UNC13C: variants seen among roughly 807,000 people sequenced by gnomAD.
UNC13C encodes the protein unc-13 homolog C, also known as protein unc-13 homolog C.
In UNC13C, 174 loss-of-function variants were observed where a neutral mutation model predicts 245.4. That is an observed-to-expected ratio of 0.71 (90% CI 0.63 to 0.80). The LOEUF is 0.80. UNC13C is among the 30% of genes least tolerant of loss of function. The pLI is 0.00. For missense variants in UNC13C, 2,829 were observed against 2,602.9 expected (o/e 1.09, Z -1.89); for synonymous variants, 992 against 895.1 (o/e 1.11, Z -1.93).
At chr15:54,154,377 C>A (rs1309103377) in intron 4 of UNC13C, among the ~76,000 whole-genome samples, 1 of 151,992 alleles carries the variant, frequency 6.6e-6, no homozygotes, top group Admixed American at 6.6e-5. Flanking sequence ...AAAATACATA[C>A]TTATACAATT....
the UNC13C span, among the ~76,000 whole-genome samples, chr15:53,888,523 T>G: frequency 3.0e-4 from 46 of 152,360 alleles, 3 homozygotes; most frequent in South Asian, 9.5e-3. Context: ...GATGATAGTT[T>G]CTTTTGCTGT....
intron 2 of UNC13C, among the ~76,000 whole-genome samples, chr15:54,136,637 A>G (rs933885061): frequency 2.0e-5 from 3 of 152,074 alleles, no homozygotes; most frequent in Non-Finnish European, 4.4e-5. Context: ...TCTTAGGGGA[A>G]AATCTTTCAG....
At chr15:54,073,195 T>C (rs1046926711) in intron 2 of UNC13C, among the ~76,000 whole-genome samples, 1 of 152,208 alleles carries the variant, frequency 6.6e-6, no homozygotes, top group African/African-American at 2.4e-5. Flanking sequence ...TCCATGTCCC[T>C]GTAAAGGACA....
intron 2 of UNC13C, among the ~76,000 whole-genome samples, chr15:54,042,480 T>C (rs1367505987): frequency 2.6e-5 from 4 of 152,206 alleles, no homozygotes; most frequent in Admixed American, 1.3e-4. Context: ...AAGAATCTTA[T>C]ATTCCAGTGG....
chr15:54,393,018 C>T (rs766882590), intron 17 of UNC13C, 30 bp from the exon 18 acceptor site: 1 of 1,535,682 alleles, frequency 6.5e-7, no homozygotes, highest in Admixed American at 2.2e-5. Context: ...TTAACCTTTT[C>T]TTTTGCATGT....
At chr15:53,935,365 T>C in the UNC13C span, among the ~76,000 whole-genome samples, 5 of 152,200 alleles carry the variant, frequency 3.3e-5, no homozygotes, top group East Asian at 5.8e-4. Context: ...TTCAGAGATA[T>C]GGGGTTTTGT....
chr15:54,421,475 A>G (rs2040642370), intron 19 of UNC13C, among the ~76,000 whole-genome samples: 1 of 152,050 alleles, frequency 6.6e-6, no homozygotes. Flanking sequence ...TTATCCCTGG[A>G]CCAGCAGCAT....
chr15:54,580,909 A>G (rs550884181), intron 30 of UNC13C, among the ~76,000 whole-genome samples: 44 of 152,050 alleles, frequency 2.9e-4, no homozygotes, highest in Non-Finnish European at 6.3e-4. Flanking sequence ...GTTTCTAGGA[A>G]CCCCTTCTCC....
At chr15:54,454,797 TATTTATTCATTC>T (rs1567288242) in intron 19 of UNC13C, among the ~76,000 whole-genome samples, 2 of 106,448 alleles carry the variant, frequency 1.9e-5, no homozygotes, top group East Asian at 2.2e-4. Flanking sequence ...TTTTAAATTT[TATTTATTCATTC>T]ATTCATTCAT....
At chr15:54,416,153 G>A (rs568735463) in intron 19 of UNC13C, among the ~76,000 whole-genome samples, 2 of 152,264 alleles carry the variant, frequency 1.3e-5, no homozygotes, top group Non-Finnish European at 2.9e-5. Flanking sequence ...TCTGTGCTGA[G>A]AGAAACAAAG....
At chr15:54,237,925 CAT>C (rs1284841599) in intron 7 of UNC13C, among the ~76,000 whole-genome samples, 1 of 152,144 alleles carries the variant, frequency 6.6e-6, no homozygotes. Context: ...TCAATTCTAA[CAT>C]AGCTTCCCTG....
chr15:54,594,615 C>T (rs1013181774), intron 30 of UNC13C, among the ~76,000 whole-genome samples: 2 of 152,094 alleles, frequency 1.3e-5, no homozygotes, highest in Non-Finnish European at 1.5e-5. Context: ...GGGGGAAAGT[C>T]GACCGTCACA....
Position 54,626,995 on chromosome 15 carries a change from C to G in UNC13C, c.6527C>G (p.Ser2176Cys). The change falls in exon 33 of 33, where the codon TCT (serine) becomes TGT (cysteine). Residue 2176 changes from serine to cysteine, a missense_variant. Coordinates refer to ENST00000260323, the MANE Select transcript of UNC13C (RefSeq NM_001080534.3). ...TGGTATCCTCTTCTGAAAAATATCT[C>G]TATGGATGAAACTGGTTTGACTATC... ...GAWYPLLKNI[S>C]MDETGLTILR... 1 of 1,613,414 alleles carries G rather than the reference C, an allele frequency of 6.2e-7. No individual in the cohort carries two copies. Among genetic ancestry groups the G allele is most frequent in the Non-Finnish European group, 8.5e-7 (1 of 1,179,600 alleles).
At chr15:54,535,321 C>G (rs1181456197) in intron 26 of UNC13C, among the ~76,000 whole-genome samples, 1 of 152,078 alleles carries the variant, frequency 6.6e-6, no homozygotes, top group Non-Finnish European at 1.5e-5. Context: ...ACTTAGCTAT[C>G]CTACACATAT....
chr15:54,141,625 CATATT>C (rs1179230657), intron 2 of UNC13C, among the ~76,000 whole-genome samples: 19 of 151,886 alleles, frequency 1.3e-4, no homozygotes, highest in African/African-American at 4.1e-4. Context: ...ATTGATATGT[CATATT>C]AGATTAGTCA....
chr15:54,477,891 T>C (rs1386912778), intron 19 of UNC13C, among the ~76,000 whole-genome samples: 2 of 149,014 alleles, frequency 1.3e-5, no homozygotes, highest in African/African-American at 2.5e-5. Flanking sequence ...ATGGTACCAG[T>C]TCCTCCTTGT....
At chr15:54,060,565 C>T (rs1317236563) in intron 2 of UNC13C, among the ~76,000 whole-genome samples, 2 of 152,134 alleles carry the variant, frequency 1.3e-5, no homozygotes, top group South Asian at 2.1e-4. Flanking sequence ...TGTGGTGATT[C>T]CTCAGGGATC....
intron 2 of UNC13C, among the ~76,000 whole-genome samples, chr15:54,136,564 G>A (rs2031743448): frequency 1.3e-5 from 2 of 151,932 alleles, no homozygotes. Context: ...TTTCTCCAGT[G>A]AGAACTTCTA....
At chr15:54,234,011 C>T (rs929476924) in intron 4 of UNC13C, among the ~76,000 whole-genome samples, 3 of 152,048 alleles carry the variant, frequency 2.0e-5, no homozygotes, top group Admixed American at 6.6e-5. Context: ...CAAACTCATT[C>T]CAGAGAAACA....
Sources: allele counts gnomAD v4.1 joint callset (sites outside exome capture counted in the v4.1 genomes callset), GRCh38; gene constraint gnomAD v4.1.1; transcripts MANE v1.5; gene names NCBI Gene and HGNC (gene_info 2026-07-23, HGNC 2026-07-21).